Variants in IGF2R observed in about 807,000 individuals in gnomAD.
IGF2R encodes the protein insulin like growth factor 2 receptor.
A neutral mutation model predicts 270.6 loss-of-function variants in IGF2R; 91 were observed. That is an observed-to-expected ratio of 0.34 (90% confidence interval 0.28 to 0.40). The LOEUF is 0.40. Among genes scored for constraint, IGF2R ranks in the 10% least tolerant of loss-of-function variants. The pLI is 1.00. For missense variants in IGF2R, 2,805 were observed against 3,188.3 expected, an observed-to-expected ratio of 0.88 and a Z score of 2.90; for synonymous variants, 1,316 against 1,258.9, an observed-to-expected ratio of 1.05 and a Z score of -0.96.
chr6:160,061,840 G>A lies in IGF2R; in HGVS notation c.3494G>A (p.Gly1165Glu), dbSNP rs754999313. The A allele has an allele frequency of 2.5e-6, 4 of 1,614,158 alleles. No homozygotes were observed. Among genetic ancestry groups the A allele is most frequent in the Non-Finnish European group, 8.5e-7 (1 of 1,180,034 alleles). Residue 1165 changes from glycine to glutamate, a missense_variant, in exon 25 of 48, where the codon GGA (glycine) becomes GAA (glutamate). Transcript: ENST00000356956. Reference sequence around the variant, plus strand: ...ATGAGTCCCCAAGCCGCGGCGAATGGATCTTTGAGCATCATGTATGTCAAC... The same window carrying A: ...ATGAGTCCCCAAGCCGCGGCGAATGAATCTTTGAGCATCATGTATGTCAAC... ...VQMSPQAAAN[G>E]SLSIMYVNGD...
chr6:160,089,675 G>C (rs962487404), intron 43 of IGF2R, among the ~76,000 whole-genome samples: 3 of 152,246 alleles, frequency 2.0e-5, no homozygotes, highest in Non-Finnish European at 2.9e-5. Flanking sequence ...CGGCACCTGA[G>C]GAAGGTGGAT....
chr6:159,982,478 A>G lies in IGF2R; in HGVS notation c.150-8706A>G, dbSNP rs576710207. Among the ~76,000 whole-genome samples, 21 of 152,360 alleles carry G rather than the reference A, an allele frequency of 1.4e-4. 1 individual carries two copies. The East Asian group carries it at 4.0e-3, about 29-fold the overall frequency. On this transcript the variant is annotated intron_variant, in intron 1 of 47. Transcript: ENST00000356956. ...ACATGTTAGATTTGTTGCTTGCTGT[A>G]GACTCAGAGAAACATTTCTCTAGCT...
intron 11 of IGF2R, among the ~76,000 whole-genome samples, chr6:160,041,591 G>GT (rs979107694): frequency 9.4e-4 from 142 of 151,348 alleles, no homozygotes; most frequent in African/African-American, 2.1e-3. Flanking sequence ...CATGTATCTT[G>GT]TTTTTTTTTA....
intron 33 of IGF2R, 144 bp downstream of exon 33, chr6:160,073,028 G>GTCCCCCACAT: frequency 1.5e-6 from 2 of 1,369,162 alleles, no homozygotes; most frequent in Non-Finnish European, 2.0e-6. Context: ...CACCCCATGT[G>GTCCCCCACAT]GGGGACACAT....
chr6:160,090,133 A>C (rs373872990), intron 44 of IGF2R, 30 bp downstream of exon 44: 13 of 1,418,450 alleles, frequency 9.2e-6, no homozygotes, highest in Non-Finnish European at 1.1e-5. Flanking sequence ...AAAGTTCCAC[A>C]TTTAACTTCC....
intron 2 of IGF2R, among the ~76,000 whole-genome samples, chr6:159,995,895 C>CTTTTTTTT: frequency 1.0e-5 from 1 of 98,768 alleles, no homozygotes; most frequent in South Asian, 3.1e-4. Flanking sequence ...TTGCAGCGCT[C>CTTTTTTTT]TTTTTTTTTT....
In IGF2R at chr6:160,064,909, C is replaced by A. The variant is rs370872497; in HGVS notation, c.4115+8C>A. The A allele has an allele frequency of 4.9e-5, 77 of 1,577,858 alleles. No individual in the cohort carries two copies. Among genetic ancestry groups the A allele is most frequent in the Non-Finnish European group, 6.2e-5 (71 of 1,147,132 alleles). ...GACTGAATGTTCATTCAAGTAAGTC[C>A]ATGGATGTGTTGTCTCTTTTGGACA... On this transcript the variant is annotated splice_region_variant and intron_variant, in intron 29 of 47. Transcript: ENST00000356956.
At chr6:159,971,684 G>A (rs955793543) in intron 1 of IGF2R, among the ~76,000 whole-genome samples, 3 of 152,174 alleles carry the variant, frequency 2.0e-5, no homozygotes, top group Non-Finnish European at 2.9e-5. Context: ...GTCTCACCGC[G>A]TTGCCCAGGC....
intron 1 of IGF2R, among the ~76,000 whole-genome samples, chr6:159,977,789 A>T (rs1260222146): frequency 1.3e-5 from 2 of 152,102 alleles, no homozygotes; most frequent in Admixed American, 1.3e-4. Flanking sequence ...GTGTGTGTCC[A>T]GTCAGGATGC....
chr6:160,076,964 C>A (rs1233669819), intron 36 of IGF2R, among the ~76,000 whole-genome samples: 1 of 152,166 alleles, frequency 6.6e-6, no homozygotes, highest in Non-Finnish European at 1.5e-5. Context: ...CTGATAAAGA[C>A]ATCCTTCTGA....
At chr6:159,997,924 G>A (rs1173435179) in intron 2 of IGF2R, among the ~76,000 whole-genome samples, 1 of 152,214 alleles carries the variant, frequency 6.6e-6, no homozygotes, top group Non-Finnish European at 1.5e-5. Flanking sequence ...TCTGCTGATT[G>A]AGGCCCAGCT....
At chr6:160,026,553 A>C (rs1021075746) in intron 5 of IGF2R, among the ~76,000 whole-genome samples, 1 of 152,256 alleles carries the variant, frequency 6.6e-6, no homozygotes, top group East Asian at 1.9e-4. Flanking sequence ...AATAAATCCC[A>C]AAGTATACTG....
At chr6:160,075,046 G>C (rs1458461329) in intron 35 of IGF2R, among the ~76,000 whole-genome samples, 1 of 152,178 alleles carries the variant, frequency 6.6e-6, no homozygotes, top group Non-Finnish European at 1.5e-5. Flanking sequence ...GCCCCACAGT[G>C]GTGAATGAAG....
chr6:159,983,380 A>C (rs961970693), intron 1 of IGF2R, among the ~76,000 whole-genome samples: 1 of 152,222 alleles, frequency 6.6e-6, no homozygotes, highest in Non-Finnish European at 1.5e-5. Context: ...AATTTCAAGC[A>C]AATGAGGTTA....
chr6:160,101,334 G>T (rs1421533739), intron 45 of IGF2R, among the ~76,000 whole-genome samples: 1 of 152,212 alleles, frequency 6.6e-6, no homozygotes, highest in Non-Finnish European at 1.5e-5. Context: ...CTGGGTGAGT[G>T]GGTTTCTGGC....
At chr6:160,012,816 G>A (rs9456494) in intron 4 of IGF2R, among the ~76,000 whole-genome samples, 14,112 of 143,476 alleles carry the variant, frequency 0.098, 960 homozygotes, top group South Asian at 0.24. Flanking sequence ...TTGTAGAGAC[G>A]GGGTTTCTCT....
Position 160,110,278 on chromosome 6 carries a change from TG to T in IGF2R, c.*5195del, listed in dbSNP as rs1562383888. ...CACGGAGCATGCTGGGTGGGTGGTC[TG>T]TATGAGACCACACCGTTGATGAGCA... is the stretch of plus-strand genomic sequence containing the variant. On this transcript the variant is annotated 3_prime_UTR_variant, in exon 48 of 48. Coordinates refer to ENST00000356956, the MANE Select transcript of IGF2R (RefSeq NM_000876.4). 7.2e-5 allele frequency: 11 copies of T among 152,314 alleles called. No homozygotes were observed. The highest frequency in any genetic ancestry group is 4.1e-4 in the South Asian group (2 of 4,824). 9.4% of individuals were successfully genotyped at this position (152,314 alleles called of 1,614,324 possible).
At position 160,000,362 on chromosome 6, in the gene IGF2R, A is replaced by G. The variant is rs112518223; in HGVS notation, c.290-8648A>G. ...GGAGAGGAGTGGGGCGGTGCTACAC[A>G]CTTTCAAACAAGCACATCTAGTGAG... On this transcript the variant is annotated intron_variant, in intron 2 of 47. Coordinates refer to ENST00000356956, the MANE Select transcript of IGF2R (RefSeq NM_000876.4). Among the ~76,000 whole-genome samples the G allele has an allele frequency of 7.9e-3, 1,205 of 152,214 alleles. 14 individuals carry two copies. The highest frequency in any genetic ancestry group is 0.026 in the African/African-American group (1,098 of 41,510).
intron 41 of IGF2R, among the ~76,000 whole-genome samples, chr6:160,085,720 T>A (rs1007405148): frequency 1.7e-4 from 26 of 152,360 alleles, no homozygotes; most frequent in Admixed American, 1.4e-3. Flanking sequence ...GGAGTGGGGT[T>A]TCCCGAGTTG....
Sources: allele counts gnomAD v4.1 joint callset (sites outside exome capture counted in the v4.1 genomes callset), GRCh38; gene constraint gnomAD v4.1.1; transcripts MANE v1.5; gene names NCBI Gene and HGNC (gene_info 2026-07-23, HGNC 2026-07-21).